The following CADM2 variants were observed in gnomAD, a reference collection of about 807,000 sequenced individuals.
CADM2 encodes immunoglobulin superfamily member 4D.
In CADM2, 12 loss-of-function variants were observed where a neutral mutation model predicts 49.8. The observed-to-expected ratio is 0.24, with a 90% CI of 0.15 to 0.39. CADM2 has a LOEUF of 0.39. Among genes scored for constraint, CADM2 ranks in the 10% least tolerant of loss-of-function variants. The pLI, the probability that CADM2 is intolerant of heterozygous loss-of-function variation, is 1.00. For missense variants in CADM2, 378 were observed against 492.3 expected (o/e 0.77, Z 2.20); for synonymous variants, 214 against 175.4 (o/e 1.22, Z -1.74).
At chr3:85,408,788 T>C (rs2035522997) in intron 1 of CADM2, among the ~76,000 whole-genome samples, 1 of 152,200 alleles carries the variant, frequency 6.6e-6, no homozygotes, top group African/African-American at 2.4e-5. Flanking sequence ...CTTGAAGAAG[T>C]ACCATTTTCA....
In CADM2 at chr3:85,986,464, T is replaced by C. The variant is rs1358721060; in HGVS notation, c.970+24817T>C. Among the ~76,000 whole-genome samples, 9 of 152,216 alleles carry C rather than the reference T, an allele frequency of 5.9e-5. No individual in the cohort carries two copies. The South Asian group carries it at 1.9e-3, about 32-fold the overall frequency. On this transcript the variant is annotated intron_variant, in intron 8 of 9. Coordinates refer to ENST00000383699, the MANE Select transcript of CADM2 (RefSeq NM_001167675.2). Reference sequence around the variant, plus strand: ...AGTGTTTAGCTATTAAAAATCTTTTTTGTTTTATTGGTGGTAATAAAACAC... The same window carrying C: ...AGTGTTTAGCTATTAAAAATCTTTTCTGTTTTATTGGTGGTAATAAAACAC...
chr3:85,419,561 G>GT (rs1404536461), intron 1 of CADM2, among the ~76,000 whole-genome samples: 1 of 152,062 alleles, frequency 6.6e-6, no homozygotes, highest in East Asian at 1.9e-4. Flanking sequence ...GACCATCTTT[G>GT]TTTTTGTATA....
At chr3:86,066,318 G>C (rs1224379773) in intron 9 of CADM2, among the ~76,000 whole-genome samples, 1 of 69,830 alleles carries the variant, frequency 1.4e-5, no homozygotes, top group Non-Finnish European at 2.2e-5. Context: ...GGGCGAGAGA[G>C]CGAGACTCCG....
At chr3:85,109,780 C>T (rs9838091) in intron 1 of CADM2, among the ~76,000 whole-genome samples, 55,938 of 151,630 alleles carry the variant, frequency 0.37, 13,446 homozygotes, top group Non-Finnish European at 0.54. Context: ...ACTTTATGTG[C>T]GATACTTGAT....
chr3:85,250,382 A>G (rs996844265), intron 1 of CADM2, among the ~76,000 whole-genome samples: 1 of 151,688 alleles, frequency 6.6e-6, no homozygotes, highest in African/African-American at 2.4e-5. Context: ...GCCAGTAAAT[A>G]CCTATTAATA....
intron 1 of CADM2, among the ~76,000 whole-genome samples, chr3:85,610,217 A>T (rs1042735590): frequency 4.6e-5 from 7 of 151,968 alleles, no homozygotes; most frequent in African/African-American, 1.7e-4. Flanking sequence ...AACAATCTTT[A>T]TGCAAAAGAT....
rs1024912312 is a variant in CADM2 at position 85,155,316 on chromosome 3, A to G, written c.61+195648A>G. Reference sequence around the variant, plus strand: ...TAGTCTCTGATAAAACAGACTTTAAACCAACAAAGATCAAAAGAGACAAAG... The same window carrying G: ...TAGTCTCTGATAAAACAGACTTTAAGCCAACAAAGATCAAAAGAGACAAAG... On this transcript the variant is annotated intron_variant, in intron 1 of 9. Coordinates refer to ENST00000383699, the MANE Select transcript of CADM2 (RefSeq NM_001167675.2). 9.4e-4 allele frequency among the ~76,000 whole-genome samples: 140 copies of G among 149,732 alleles called. 1 individual carries two copies. The highest frequency in any genetic ancestry group is 3.1e-3 in the African/African-American group (124 of 40,472).
intron 1 of CADM2, among the ~76,000 whole-genome samples, chr3:85,408,483 T>C (rs537676259): frequency 1.2e-3 from 185 of 152,340 alleles, no homozygotes; most frequent in African/African-American, 4.3e-3. Flanking sequence ...TAAGTTTTGA[T>C]GTTGCAAAAG....
intron 1 of CADM2, among the ~76,000 whole-genome samples, chr3:85,194,837 G>T (rs2107732484): frequency 6.6e-6 from 1 of 152,008 alleles, no homozygotes; most frequent in South Asian, 2.1e-4. Flanking sequence ...AGTTCAACTT[G>T]AGGACTACCT....
chr3:85,122,163 T>A (rs945935279), intron 1 of CADM2, among the ~76,000 whole-genome samples: 1 of 152,116 alleles, frequency 6.6e-6, no homozygotes, highest in African/African-American at 2.4e-5. Context: ...AAGCTCCTCC[T>A]CAAATAAAAA....
In CADM2 at chr3:85,463,178, T is replaced by A. The variant is rs1173108709; in HGVS notation, c.62-263344T>A. Among the ~76,000 whole-genome samples the A allele has an allele frequency of 3.3e-5, 5 of 152,216 alleles. No homozygotes were observed. In the South Asian group the frequency reaches 1.0e-3, roughly 31 times the overall value. On this transcript the variant is annotated intron_variant, in intron 1 of 9. Transcript: ENST00000383699. The stretch of plus-strand genomic sequence containing the variant: ...GGATATTAGAGACTTTTTGTTCCGG[T>A]ACCTTTTGACTTTGCTGAGGTCTCC...
chr3:85,615,573 G>A (rs948154144), intron 1 of CADM2, among the ~76,000 whole-genome samples: 1 of 150,932 alleles, frequency 6.6e-6, no homozygotes, highest in African/African-American at 2.4e-5. Context: ...TCCTTTTATT[G>A]TCTTTCTTTC....
At chr3:85,624,134 G>C (rs2064054922) in intron 1 of CADM2, among the ~76,000 whole-genome samples, 1 of 152,032 alleles carries the variant, frequency 6.6e-6, no homozygotes, top group South Asian at 2.1e-4. Flanking sequence ...TAACCATATA[G>C]AGAATCATTT....
chr3:86,062,800 A>G (rs913265746), intron 8 of CADM2, among the ~76,000 whole-genome samples: 5 of 148,976 alleles, frequency 3.4e-5, no homozygotes, highest in Admixed American at 1.3e-4. Context: ...CATAGTGTGT[A>G]TTGTTATTTT....
chr3:85,398,755 A>G (rs1035379593), intron 1 of CADM2, among the ~76,000 whole-genome samples: 1 of 152,220 alleles, frequency 6.6e-6, no homozygotes, highest in Non-Finnish European at 1.5e-5. Context: ...TCTGATGGCC[A>G]GTGATGATGA....
intron 1 of CADM2, among the ~76,000 whole-genome samples, chr3:85,327,589 C>CA (rs1553709186): frequency 0.12 from 13,326 of 114,596 alleles, 752 homozygotes; most frequent in African/African-American, 0.18. Flanking sequence ...CACACACACA[C>CA]CACACACACA....
At chr3:85,616,497 ACT>A (rs1391406791) in intron 1 of CADM2, among the ~76,000 whole-genome samples, 1 of 152,148 alleles carries the variant, frequency 6.6e-6, no homozygotes, top group Non-Finnish European at 1.5e-5. Flanking sequence ...GTATTTTGTT[ACT>A]GTTTCAGGTG....
intron 8 of CADM2, among the ~76,000 whole-genome samples, chr3:85,979,755 TTATTCTCCACATAGAAC>T (rs1191783203): frequency 2.0e-5 from 3 of 151,612 alleles, no homozygotes; most frequent in African/African-American, 7.3e-5. Context: ...TCAGTATAAA[TTATTCTCCACATAGAAC>T]TTGCAAGTAA....
At chr3:85,289,885 ATG>A (rs1162145035) in intron 1 of CADM2, among the ~76,000 whole-genome samples, 1 of 152,244 alleles carries the variant, frequency 6.6e-6, no homozygotes, top group African/African-American at 2.4e-5. Context: ...GATATTAGAT[ATG>A]TTAAATAAAT....
Sources: gnomAD v4.1 joint callset for allele counts (sites outside exome capture counted in the v4.1 genomes callset) on GRCh38, gnomAD v4.1.1 for gene constraint, MANE v1.5 for transcripts, NCBI Gene and HGNC (gene_info 2026-07-23, HGNC 2026-07-21) for gene names.